UPF2: variants seen among roughly 807,000 people sequenced by gnomAD.
The protein encoded by UPF2 is UPF2 regulator of nonsense mediated mRNA decay, also known as regulator of nonsense transcripts 2.
UPF2 carries 17 observed loss-of-function variants against 141.4 expected under a neutral mutation model. The observed-to-expected ratio is 0.12, with a 90% CI of 0.08 to 0.18. The LOEUF (loss-of-function observed/expected upper bound fraction) is 0.18, where lower values mean the gene tolerates loss of function less well. Among genes scored for constraint, UPF2 ranks in the 10% least tolerant of loss-of-function variants. The pLI is 1.00. For missense variants in UPF2, 1,152 were observed against 1,515.9 expected (o/e 0.76, Z 3.99); for synonymous variants, 540 against 498.0 (o/e 1.08, Z -1.12).
At chr10:11,981,877 G>C (rs1484198487) in intron 8 of UPF2, among the ~76,000 whole-genome samples, 1 of 152,118 alleles carries the variant, frequency 6.6e-6, no homozygotes, top group Non-Finnish European at 1.5e-5. Context: ...GCAGAGACAG[G>C]GTTTCCCCAT....
rs750798437 is a variant in UPF2, at chr10:11,953,365, G to A, written c.2851-1116C>T. On this transcript the variant is annotated intron_variant, in intron 14 of 21. Coordinates refer to ENST00000357604, the MANE Select transcript of UPF2 (RefSeq NM_015542.4). This position sits in a 1 kb window ranked among gnomAD's most constrained non-coding sequence, Gnocchi z 5.0. ...CCAGGGGACATGGATGCACAGGAAA[G>A]TTTAAAAGCACTGCTCCAGGGGATC... Among the ~76,000 whole-genome samples the A allele has an allele frequency of 1.3e-5, 2 of 152,142 alleles. No homozygotes were observed. Among genetic ancestry groups the A allele is most frequent in the African/African-American group, 2.4e-5 (1 of 41,438 alleles).
chr10:11,921,172 G>A lies in UPF2; in HGVS notation c.*126C>T. 1 of 1,340,680 alleles carries A rather than the reference G, an allele frequency of 7.5e-7. No homozygotes were observed. Among genetic ancestry groups the A allele is most frequent in the Non-Finnish European group, 1.1e-6 (1 of 930,946 alleles). 83.0% of individuals were successfully genotyped at this position (1,340,680 alleles called of 1,614,324 possible). A position where few individuals can be genotyped will look rare whatever the true frequency, so the allele number is the denominator to read the frequency against. ...GCCTCCTGGCCCCAGCCTGTCCCAG[G>A]TTTAGATTCGCAACTCTCTAGACCG... On this transcript the variant is annotated 3_prime_UTR_variant, in exon 22 of 22. Coordinates refer to ENST00000357604, the MANE Select transcript of UPF2 (RefSeq NM_015542.4). This position sits in a 1 kb window ranked among gnomAD's most constrained non-coding sequence, Gnocchi z 5.9.
chr10:11,926,841 T>C (rs907972964), intron 21 of UPF2, among the ~76,000 whole-genome samples: 2 of 151,910 alleles, frequency 1.3e-5, no homozygotes, highest in East Asian at 1.9e-4. Context: ...CAAGGAGGAA[T>C]TGGAGGGAGG....
chr10:12,000,102 T>G (rs1172848271), intron 6 of UPF2, 93 bp from the exon 7 acceptor site: 16 of 1,078,562 alleles, frequency 1.5e-5, no homozygotes, highest in Non-Finnish European at 2.1e-5. Context: ...ATAGATAATC[T>G]AGACCAATTT....
rs1485150953 is a variant in UPF2 at position 11,948,394 on chromosome 10, C to T, written c.3149G>A (p.Ser1050Asn). The T allele has an allele frequency of 1.2e-6, 2 of 1,600,350 alleles. No individual in the cohort carries two copies. The highest frequency in any genetic ancestry group is 1.7e-6 in the Non-Finnish European group (2 of 1,172,104). Reference protein sequence around the residue: ...AETEEQSGNESEVNEPEEEEG... With the variant: ...AETEEQSGNENEVNEPEEEEG... ...CTCTTCTTCTGGCTCATTTACTTCA[C>T]TTTCATTTCCAGATTGTTCTTCTGT... Residue 1050 changes from serine (S) to asparagine (N), a missense_variant, in exon 16 of 22, where the codon AGT (serine) becomes AAT (asparagine). Physicochemically the swap from Ser to Asn is conservative, Grantham distance 46. Coordinates refer to ENST00000357604, the MANE Select transcript of UPF2 (RefSeq NM_015542.4).
chr10:12,003,918 C>T (rs1285432811), intron 5 of UPF2, among the ~76,000 whole-genome samples: 23 of 124,758 alleles, frequency 1.8e-4, no homozygotes, highest in African/African-American at 6.4e-4. Context: ...GCAAAAACTC[C>T]GCCTCAAAAA....
At chr10:11,926,297 G>A (rs1832712251) in intron 21 of UPF2, among the ~76,000 whole-genome samples, 1 of 152,202 alleles carries the variant, frequency 6.6e-6, no homozygotes, top group Non-Finnish European at 1.5e-5. Flanking sequence ...GTCTGGGGCA[G>A]GGGCACGAGT....
At chr10:11,971,152 C>T (rs1833410902) in intron 9 of UPF2, among the ~76,000 whole-genome samples, 1 of 152,058 alleles carries the variant, frequency 6.6e-6, no homozygotes, top group Non-Finnish European at 1.5e-5. Context: ...TGATCTCACT[C>T]CCTCATTTTC....
chr10:11,993,967 C>G (rs1048855361), intron 8 of UPF2, among the ~76,000 whole-genome samples: 1 of 151,842 alleles, frequency 6.6e-6, no homozygotes, highest in African/African-American at 2.4e-5. Flanking sequence ...CAAGCCTAGG[C>G]AACAGAGCAG....
intron 11 of UPF2, among the ~76,000 whole-genome samples, chr10:11,962,054 A>C (rs1171548517): frequency 6.6e-6 from 1 of 152,172 alleles, no homozygotes; most frequent in Non-Finnish European, 1.5e-5. Flanking sequence ...TTTAATGACC[A>C]CACCCTATAA....
At chr10:11,927,364 G>A (rs1237969236) in intron 21 of UPF2, among the ~76,000 whole-genome samples, 1 of 152,216 alleles carries the variant, frequency 6.6e-6, no homozygotes, top group Non-Finnish European at 1.5e-5. Flanking sequence ...TATTATGCTG[G>A]TGCAAAAGTA....
chr10:12,018,303 C>G (rs1297322569), intron 3 of UPF2, among the ~76,000 whole-genome samples: 1 of 152,110 alleles, frequency 6.6e-6, no homozygotes, highest in African/African-American at 2.4e-5. Flanking sequence ...CAAAAATTGG[C>G]CAGGTGCTAT....
At chr10:11,934,410 G>A (rs559776675) in intron 19 of UPF2, among the ~76,000 whole-genome samples, 1 of 152,320 alleles carries the variant, frequency 6.6e-6, no homozygotes, top group Admixed American at 6.5e-5. Flanking sequence ...AAGGAGGGGA[G>A]GGGTGTGGCT....
intron 4 of UPF2, among the ~76,000 whole-genome samples, chr10:12,013,262 T>C (rs1054900414): frequency 6.6e-6 from 1 of 151,396 alleles, no homozygotes; most frequent in Non-Finnish European, 1.5e-5. Context: ...ATTTTACAAA[T>C]ACTTCACCCC....
intron 19 of UPF2, among the ~76,000 whole-genome samples, chr10:11,934,599 T>G (rs1392717647): frequency 6.6e-6 from 1 of 152,220 alleles, no homozygotes; most frequent in Non-Finnish European, 1.5e-5. Flanking sequence ...TTTATTTATT[T>G]CTTTTTTTGA....
In UPF2 at chr10:12,019,578, GTAA is replaced by G. The variant is rs1834281827; in HGVS notation, c.1146-5397_1146-5395del. On this transcript the variant is annotated intron_variant, in intron 3 of 21. Transcript: ENST00000357604. This position sits in a 1 kb window ranked among gnomAD's most constrained non-coding sequence, Gnocchi z 4.5. ...TTGTCCCCTTTTACAGATATAAACAGTAAGTAATGAGAACAAAATCTATGCCAA... is the reference window on the plus strand; with the variant it reads ...TTGTCCCCTTTTACAGATATAAACAGGTAATGAGAACAAAATCTATGCCAA... Among the ~76,000 whole-genome samples the G allele has an allele frequency of 6.6e-6, 1 of 152,126 alleles. No individual in the cohort carries two copies. The highest frequency in any genetic ancestry group is 6.5e-5 in the Admixed American group (1 of 15,274).
At position 11,999,894 on chromosome 10, in the gene UPF2, A is replaced by G. The variant is rs548595401; in HGVS notation, c.1758+12T>C. 3.1e-6 allele frequency: 5 copies of G among 1,608,160 alleles called. No homozygotes were observed. Among genetic ancestry groups the G allele is most frequent in the Non-Finnish European group, 4.3e-6 (5 of 1,174,816 alleles). Reference sequence around the variant, plus strand: ...CATGTGCTTGAATAAAGTTACACAGAGATACCAATACCTTGTCTATCAGAT... The same window carrying G: ...CATGTGCTTGAATAAAGTTACACAGGGATACCAATACCTTGTCTATCAGAT... On this transcript the variant is annotated intron_variant, in intron 7 of 21. Transcript: ENST00000357604.
Position 12,014,156 on chromosome 10 carries a change from T to C in UPF2, c.1174A>G (p.Ser392Gly). ...TCATACTGTTTATGTCTATCTTCAC[T>C]GAGCTCCCCTTTAGAATGTAGAATG... ...RRILHSKGEL[S>G]EDRHKQYEEF... is the part of the protein sequence containing the mutation. Residue 392 changes from serine to glycine, a missense_variant, in exon 4 of 22, where the codon AGT becomes GGT. By Grantham distance (56) the Ser-to-Gly change is moderately conservative. This residue lies in a region of UPF2 where 739 missense variants were observed against 1,032.2 expected (regional missense o/e 0.72). Coordinates refer to ENST00000357604, the MANE Select transcript of UPF2 (RefSeq NM_015542.4). The surrounding 1 kb of genome is among the most constrained non-coding windows in gnomAD (Gnocchi z 5.0). 6.5e-7 allele frequency: 1 copy of C among 1,529,922 alleles called. No homozygotes were observed. Among genetic ancestry groups the C allele is most frequent in the Admixed American group, 1.9e-5 (1 of 51,400 alleles). 94.8% of individuals were successfully genotyped at this position (1,529,922 alleles called of 1,614,324 possible). A position where few individuals can be genotyped will look rare whatever the true frequency, so the allele number is the denominator to read the frequency against.
intron 9 of UPF2, among the ~76,000 whole-genome samples, chr10:11,971,037 T>A (rs1015354030): frequency 2.6e-5 from 4 of 151,986 alleles, no homozygotes; most frequent in Non-Finnish European, 5.9e-5. Flanking sequence ...ACATCATATA[T>A]TTACATTAAT....
Sources: gnomAD v4.1 joint callset for allele counts (sites outside exome capture counted in the v4.1 genomes callset) on GRCh38, gnomAD v4.1.1 for gene constraint, gnomAD v4.1.1 regional missense constraint, Gnocchi (gnomAD v3.1) non-coding constraint, MANE v1.5 for transcripts, NCBI Gene and HGNC (gene_info 2026-07-23, HGNC 2026-07-21) for gene names.